CLDN14: variants seen among roughly 807,000 people sequenced by gnomAD.
CLDN14 encodes the protein claudin 14, also known as claudin-14.
Under a neutral mutation model 2.1 loss-of-function variants are expected in CLDN14, and 2 were observed. The observed-to-expected ratio is 0.96, with a 90% CI of 0.39 to 3.01. The LOEUF (loss-of-function observed/expected upper bound fraction) is 3.01, where lower values mean the gene tolerates loss of function less well. CLDN14 is among the 30% of genes most tolerant of loss of function. The pLI is 0.09. For missense variants in CLDN14, 298 were observed against 328.0 expected, an observed-to-expected ratio of 0.91 and a Z score of 0.71; for synonymous variants, 136 against 154.4, an observed-to-expected ratio of 0.88 and a Z score of 0.88.
intron 1 of CLDN14, among the ~76,000 whole-genome samples, chr21:36,565,668 T>C (rs394565): frequency 0.75 from 114,139 of 152,042 alleles, 44,297 homozygotes; most frequent in Non-Finnish European, 0.87. Flanking sequence ...GGGAGAGGGC[T>C]GTTTATGTGC....
chr21:36,514,974 A>G lies in CLDN14; in HGVS notation c.-219-4474T>C, dbSNP rs369085041. Reference sequence around the variant, plus strand: ...CTTGAAAGTGTTTCAGGGGCCATAAATGCTCAACTCAAATCTCATTTAAAA... The same window carrying G: ...CTTGAAAGTGTTTCAGGGGCCATAAGTGCTCAACTCAAATCTCATTTAAAA... On this transcript the variant is annotated intron_variant, in intron 1 of 2. Transcript: ENST00000342108. Among the ~76,000 whole-genome samples, 149 of 152,246 alleles carry G rather than the reference A, an allele frequency of 9.8e-4. 3 individuals carry two copies. The South Asian group carries it at 0.03, about 31-fold the overall frequency.
At chr21:36,564,392 T>C (rs1242932643) in intron 1 of CLDN14, among the ~76,000 whole-genome samples, 1 of 152,040 alleles carries the variant, frequency 6.6e-6, no homozygotes, top group African/African-American at 2.4e-5. Context: ...TGGGATGGAG[T>C]TGCCTTCCAT....
intron 1 of CLDN14, among the ~76,000 whole-genome samples, chr21:36,478,979 C>A (rs139743683): frequency 7.9e-5 from 12 of 152,156 alleles, no homozygotes; most frequent in Admixed American, 2.6e-4. Context: ...ACTTCCCCCC[C>A]TCTCCTGCCA....
At chr21:36,539,361 GTA>G (rs1491541327) in intron 1 of CLDN14, among the ~76,000 whole-genome samples, 62 of 149,900 alleles carry the variant, frequency 4.1e-4, no homozygotes, top group Non-Finnish European at 6.4e-4. Flanking sequence ...TGGAGTGAGT[GTA>G]TGTGCGGAGT....
intron 1 of CLDN14, among the ~76,000 whole-genome samples, chr21:36,552,219 C>T (rs2087567866): frequency 2.0e-5 from 3 of 152,148 alleles, no homozygotes; most frequent in African/African-American, 7.2e-5. Context: ...GATATGGAGA[C>T]CAGTAGTTGC....
At position 36,492,440 on chromosome 21, in the gene CLDN14, C is replaced by CAAAAAAAAA. The variant is rs58666814; in HGVS notation, c.-82+17914_-82+17922dup. 4.4e-5 allele frequency among the ~76,000 whole-genome samples: 3 copies of CAAAAAAAAA among 67,904 alleles called. 1 individual carries two copies. Among genetic ancestry groups the CAAAAAAAAA allele is most frequent in the Admixed American group, 1.9e-4 (1 of 5,370 alleles). 44.5% of individuals were successfully genotyped at this position (67,904 alleles called of 152,430 possible). On this transcript the variant is annotated intron_variant, in intron 2 of 2. Coordinates refer to the CLDN14 transcript ENST00000342108. ...TGGGCGACAGAGCGAGACTCCGTCCCAAAAAAAAAAAAAAAAAAAAAAAAA... is the reference window on the plus strand; with the variant it reads ...TGGGCGACAGAGCGAGACTCCGTCCCAAAAAAAAAAAAAAAAAAAAAAAAAAAAAAAAAA...
At chr21:36,572,902 G>A (rs970467903) in intron 1 of CLDN14, among the ~76,000 whole-genome samples, 52 of 152,158 alleles carry the variant, frequency 3.4e-4, no homozygotes, top group African/African-American at 1.2e-3. Flanking sequence ...CCAATCTTGC[G>A]CTTCCCTGCT....
At chr21:36,519,742 A>C (rs1977929) in intron 1 of CLDN14, among the ~76,000 whole-genome samples, 7,993 of 145,092 alleles carry the variant, frequency 0.055, 597 homozygotes, top group African/African-American at 0.17. Flanking sequence ...ACAAAACCCC[A>C]AAAACAAAAA....
chr21:36,560,440 G>A (rs990471101), intron 1 of CLDN14, among the ~76,000 whole-genome samples: 2 of 152,208 alleles, frequency 1.3e-5, no homozygotes, highest in African/African-American at 4.8e-5. Context: ...TTAGTTGGCA[G>A]TGTTCTAACT....
chr21:36,572,618 T>G (rs1320134468), intron 1 of CLDN14, among the ~76,000 whole-genome samples: 2 of 152,216 alleles, frequency 1.3e-5, no homozygotes, highest in African/African-American at 4.8e-5. Flanking sequence ...GCTAAATTCC[T>G]TTTTCTATAA....
chr21:36,537,388 T>G (rs2087432242), intron 1 of CLDN14, among the ~76,000 whole-genome samples: 1 of 152,202 alleles, frequency 6.6e-6, no homozygotes, highest in South Asian at 2.1e-4. Context: ...TACTGATCTT[T>G]GATTAGATCC....
chr21:36,529,524 C>T (rs2087362961), intron 1 of CLDN14, among the ~76,000 whole-genome samples: 2 of 152,164 alleles, frequency 1.3e-5, no homozygotes, highest in African/African-American at 4.8e-5. Context: ...AGTGATCTGC[C>T]AGAGGCCTCC....
chr21:36,491,310 A>C (rs1204371981), intron 2 of CLDN14, among the ~76,000 whole-genome samples: 1 of 152,144 alleles, frequency 6.6e-6, no homozygotes, highest in Non-Finnish European at 1.5e-5. Context: ...AGCTCTTAAT[A>C]ACCTCAAGAA....
At chr21:36,573,915 G>C (rs1176518016) in intron 1 of CLDN14, among the ~76,000 whole-genome samples, 1 of 152,036 alleles carries the variant, frequency 6.6e-6, no homozygotes, top group Non-Finnish European at 1.5e-5. Flanking sequence ...AAATGGAAGA[G>C]GCCTAAATAA....
intron 1 of CLDN14, among the ~76,000 whole-genome samples, chr21:36,546,740 C>G (rs1051079748): frequency 1.3e-5 from 2 of 152,174 alleles, no homozygotes; most frequent in African/African-American, 2.4e-5. Flanking sequence ...CAACTTACAG[C>G]CAACCTTTAA....
At chr21:36,542,853 C>G (rs1489014259) in intron 1 of CLDN14, 1 of 154,224 alleles carries the variant, frequency 6.5e-6, no homozygotes, top group Non-Finnish European at 1.4e-5. Flanking sequence ...CCTGCCCCTG[C>G]CCCTGTCCCT....
At chr21:36,462,735 G>A (rs1422697967) in intron 1 of CLDN14, among the ~76,000 whole-genome samples, 4 of 151,896 alleles carry the variant, frequency 2.6e-5, no homozygotes, top group Admixed American at 2.6e-4. Context: ...TTCAAGACCA[G>A]CCTGGCCAAC....
At chr21:36,486,469 A>G in intron 2 of CLDN14, 1 of 1,543,074 alleles carries the variant, frequency 6.5e-7, no homozygotes, top group East Asian at 2.2e-5. Flanking sequence ...GAGGATCAGC[A>G]CTGGGATCTA....
rs145403854 is a variant in CLDN14 at position 36,468,866 on chromosome 21, T to A, written c.-81-7090A>T. On this transcript the variant is annotated intron_variant, in intron 1 of 1. Coordinates refer to ENST00000399135, the MANE Select transcript of CLDN14 (RefSeq NM_001146079.2). ...CCTCTGCCTCCCAGGTTCAAGTGAT[T>A]CTCCTGCCTCAGCCTCCAGAGTAGC... is the stretch of plus-strand genomic sequence containing the variant. Among the ~76,000 whole-genome samples, 801 of 152,030 alleles carry A rather than the reference T, an allele frequency of 5.3e-3. 3 individuals carry two copies. Among genetic ancestry groups the A allele is most frequent in the African/African-American group, 0.014 (578 of 41,450 alleles).
Sources: allele counts gnomAD v4.1 joint callset (sites outside exome capture counted in the v4.1 genomes callset), GRCh38; gene constraint gnomAD v4.1.1; transcripts MANE v1.5; gene names NCBI Gene and HGNC (gene_info 2026-07-23, HGNC 2026-07-21).